RBFOX1: variants seen among roughly 807,000 people sequenced by gnomAD.
RBFOX1 encodes RNA binding fox-1 homolog 1.
In RBFOX1, 8 loss-of-function variants were observed where a neutral mutation model predicts 57.7. The observed-to-expected ratio is 0.14, with a 90% CI of 0.08 to 0.25. RBFOX1 has a LOEUF of 0.25. RBFOX1 is among the 10% of genes least tolerant of loss of function. The pLI is 1.00. For synonymous variants in RBFOX1, 326 were observed against 222.4 expected (o/e 1.47, Z -4.15); for missense variants, 611 against 548.5 (o/e 1.11, Z -1.14).
intron 3 of RBFOX1, among the ~76,000 whole-genome samples, chr16:6,741,500 T>C (rs79036751): frequency 0.089 from 13,565 of 151,716 alleles, 738 homozygotes; most frequent in East Asian, 0.17. Flanking sequence ...CCTGTCTGTA[T>C]TAAAAGTACA....
intron 5 of RBFOX1, among the ~76,000 whole-genome samples, chr16:7,562,503 G>T (rs2090636204): frequency 6.6e-6 from 1 of 152,142 alleles, no homozygotes. Flanking sequence ...CAACTATGGA[G>T]AATGACAGAG....
At chr16:6,749,699 G>T (rs1471413189) in intron 3 of RBFOX1, among the ~76,000 whole-genome samples, 3 of 152,088 alleles carry the variant, frequency 2.0e-5, no homozygotes, top group African/African-American at 7.2e-5. Flanking sequence ...TAAATAATAA[G>T]CCCAAAGAAT....
At chr16:6,515,723 C>G (rs1033954040) in intron 2 of RBFOX1, among the ~76,000 whole-genome samples, 2 of 152,018 alleles carry the variant, frequency 1.3e-5, no homozygotes, top group Admixed American at 6.5e-5. Context: ...TTCAGGCTAC[C>G]CCATACCTCC....
chr16:7,507,174 T>C (rs980335067), intron 4 of RBFOX1, among the ~76,000 whole-genome samples: 6 of 152,216 alleles, frequency 3.9e-5, no homozygotes, highest in Admixed American at 3.9e-4. Context: ...AAAGGTTAGA[T>C]AGTAACACTA....
intron 4 of RBFOX1, among the ~76,000 whole-genome samples, chr16:7,080,030 A>ATATATATATACATATATATACGTATATG (rs2058920470): frequency 1.1e-5 from 1 of 88,730 alleles, no homozygotes; most frequent in African/African-American, 3.1e-5. Context: ...ATACGTATAT[A>ATATATATATACATATATATACGTATATG]TGTATATAGA....
chr16:6,564,308 T>C (rs1468528099), intron 2 of RBFOX1, among the ~76,000 whole-genome samples: 1 of 152,144 alleles, frequency 6.6e-6, no homozygotes, highest in Non-Finnish European at 1.5e-5. Flanking sequence ...TTGGCTGGGC[T>C]GCAGTGCATA....
intron 4 of RBFOX1, among the ~76,000 whole-genome samples, chr16:7,212,900 A>C (rs1382297371): frequency 6.6e-6 from 1 of 152,222 alleles, no homozygotes; most frequent in Non-Finnish European, 1.5e-5. Flanking sequence ...TGATGAAGGC[A>C]ATAGTGGTTA....
At chr16:5,354,896 T>A (rs756509638) in intron 1 of RBFOX1, among the ~76,000 whole-genome samples, 23 of 152,140 alleles carry the variant, frequency 1.5e-4, no homozygotes, top group African/African-American at 4.6e-4. Context: ...AGTGGCCTTC[T>A]TGGAGAGGTC....
chr16:7,184,646 G>T (rs191072840), intron 4 of RBFOX1, among the ~76,000 whole-genome samples: 21 of 151,050 alleles, frequency 1.4e-4, no homozygotes, highest in Middle Eastern at 6.8e-3. Flanking sequence ...TACCATGCTT[G>T]ATCACATGGG....
intron 6 of RBFOX1, among the ~76,000 whole-genome samples, chr16:7,582,672 C>G (rs2093864154): frequency 6.6e-6 from 1 of 152,150 alleles, no homozygotes; most frequent in Non-Finnish European, 1.5e-5. Context: ...CAGTTTAACT[C>G]CAATTCGGTA....
intron 4 of RBFOX1, among the ~76,000 whole-genome samples, chr16:5,964,058 A>G (rs1445265614): frequency 1.3e-5 from 2 of 152,224 alleles, no homozygotes; most frequent in Non-Finnish European, 2.9e-5. Context: ...CTCAGTAGCA[A>G]AAAGCCAATA....
At chr16:6,607,298 C>T (rs1332502506) in intron 2 of RBFOX1, among the ~76,000 whole-genome samples, 1 of 152,136 alleles carries the variant, frequency 6.6e-6, no homozygotes, top group Non-Finnish European at 1.5e-5. Flanking sequence ...AATGTCAGCT[C>T]TCATATTCAC....
chr16:7,592,040 C>T (rs978066098), intron 7 of RBFOX1, among the ~76,000 whole-genome samples: 1 of 151,952 alleles, frequency 6.6e-6, no homozygotes, highest in Admixed American at 6.6e-5. Flanking sequence ...GGAGGCCATG[C>T]CACTTCTTGT....
At chr16:6,153,335 A>T (rs1233882306) in intron 1 of RBFOX1, among the ~76,000 whole-genome samples, 1 of 152,218 alleles carries the variant, frequency 6.6e-6, no homozygotes, top group African/African-American at 2.4e-5. Flanking sequence ...CAAAAAACAA[A>T]ACCATTTTGA....
chr16:6,561,066 A>T (rs983372702), intron 2 of RBFOX1, among the ~76,000 whole-genome samples: 1 of 152,186 alleles, frequency 6.6e-6, no homozygotes, highest in Non-Finnish European at 1.5e-5. Flanking sequence ...AATTGTTGCT[A>T]TGTGCAGCTG....
intron 11 of RBFOX1, among the ~76,000 whole-genome samples, chr16:7,646,591 G>C (rs2063785859): frequency 6.6e-6 from 1 of 152,198 alleles, no homozygotes; most frequent in Admixed American, 6.5e-5. Context: ...ACCTTTTCCA[G>C]GGCATCTGGC....
chr16:7,263,570 A>G (rs925372832), intron 4 of RBFOX1, among the ~76,000 whole-genome samples: 6 of 152,040 alleles, frequency 3.9e-5, no homozygotes, highest in Admixed American at 6.6e-5. Flanking sequence ...ACAGCTCCAT[A>G]ATAAAAGGAT....
intron 4 of RBFOX1, among the ~76,000 whole-genome samples, chr16:7,319,617 A>G (rs1321997821): frequency 6.6e-6 from 1 of 152,132 alleles, no homozygotes; most frequent in African/African-American, 2.4e-5. Flanking sequence ...GCCTCAGAAG[A>G]GATTTCAGCA....
At chr16:5,379,298 C>T (rs747285914) in intron 1 of RBFOX1, among the ~76,000 whole-genome samples, 1 of 151,426 alleles carries the variant, frequency 6.6e-6, no homozygotes, top group South Asian at 2.1e-4. Context: ...CAGTTTTTAT[C>T]GTTTTTTTTC....
Sources: gnomAD v4.1 joint callset for allele counts (sites outside exome capture counted in the v4.1 genomes callset) on GRCh38, gnomAD v4.1.1 for gene constraint, MANE v1.5 for transcripts, NCBI Gene and HGNC (gene_info 2026-07-23, HGNC 2026-07-21) for gene names.